The following CD96 variants were observed in gnomAD, a reference collection of about 807,000 sequenced individuals.
CD96 encodes CD96 molecule.
Under a neutral mutation model 71.3 loss-of-function variants are expected in CD96, and 70 were observed. The ratio of observed to expected loss-of-function variants is 0.98; its 90% CI spans 0.81 to 1.20. The LOEUF (loss-of-function observed/expected upper bound fraction) is 1.20. CD96 is among the 50% of genes most tolerant of loss of function. CD96 has a pLI of 0.00. For missense variants in CD96, 742 were observed against 677.5 expected (o/e 1.10, Z -1.06); for synonymous variants, 248 against 233.0 (o/e 1.06, Z -0.59).
At chr3:111,544,588 A>G (rs1934286582) in intron 1 of CD96, among the ~76,000 whole-genome samples, 1 of 152,226 alleles carries the variant, frequency 6.6e-6, no homozygotes, top group Non-Finnish European at 1.5e-5. Context: ...TGTATTTTTC[A>G]AAGAAATTGC....
Position 111,623,797 on chromosome 3 carries a change from C to T in CD96, c.1224C>T (p.Ala408=). The stretch of plus-strand genomic sequence containing the variant: ...CAGTGACCCTTGTAGATGTGAGTGC[C>T]TTGAGGCCAAACACCACTCCTCAAC... ...TSSVTLVDVS[A]LRPNTTPQPS... Residue 408 remains alanine, a synonymous_variant, in exon 9 of 14, where the codon GCC becomes GCT. Coordinates refer to ENST00000352690, the MANE Select transcript of CD96 (RefSeq NM_005816.5). The T allele has an allele frequency of 6.2e-7, 1 of 1,612,274 alleles. No homozygotes were observed. Among genetic ancestry groups the T allele is most frequent in the Non-Finnish European group, 8.5e-7 (1 of 1,178,350 alleles).
Position 111,545,192 on chromosome 3 carries a change from G to C in CD96, c.208G>C (p.Val70Leu). 2 of 1,614,184 alleles carry C rather than the reference G, an allele frequency of 1.2e-6. No individual in the cohort carries two copies. Among genetic ancestry groups the C allele is most frequent in the Non-Finnish European group, 8.5e-7 (1 of 1,180,022 alleles). ...KVTNKIDLIA[V>L]YHPQYGFYCA... ...CACCAATAAGATAGACCTGATTGCT[G>C]TCTATCATCCCCAATACGGCTTCTA... The change falls in exon 2 of 14, where the codon GTC (valine) becomes CTC (leucine). Residue 70 changes from valine to leucine, a missense_variant. Transcript: ENST00000352690.
At chr3:111,639,269 G>A (rs1184556974) in intron 12 of CD96, among the ~76,000 whole-genome samples, 1 of 152,244 alleles carries the variant, frequency 6.6e-6, no homozygotes, top group Non-Finnish European at 1.5e-5. Flanking sequence ...AGACAGACTC[G>A]GGGCTGTTGG....
intron 5 of CD96, chr3:111,594,557 C>A (rs1937164824): frequency 1.4e-5 from 3 of 221,880 alleles, no homozygotes; most frequent in Non-Finnish European, 2.9e-5. Context: ...TCAGTGTTTT[C>A]TGCATCAACC....
chr3:111,582,163 T>C (rs1172559326), intron 4 of CD96, among the ~76,000 whole-genome samples: 1 of 152,226 alleles, frequency 6.6e-6, no homozygotes, highest in African/African-American at 2.4e-5. Flanking sequence ...TAAATCATTA[T>C]GCAAAGAGTC....
At chr3:111,619,506 C>T (rs1938412307) in intron 8 of CD96, among the ~76,000 whole-genome samples, 1 of 152,204 alleles carries the variant, frequency 6.6e-6, no homozygotes, top group Non-Finnish European at 1.5e-5. Context: ...AAGGAATAAA[C>T]AATCAGCAAA....
chr3:111,600,178 A>T (rs968966736), intron 6 of CD96, among the ~76,000 whole-genome samples: 3 of 152,220 alleles, frequency 2.0e-5, no homozygotes, highest in Non-Finnish European at 4.4e-5. Context: ...GTCAGATATG[A>T]GCTCCTTCGT....
rs1275924060 is a variant in CD96 at position 111,542,371 on chromosome 3, GTT to G, written c.61+63_61+64del. ...CGCTTTAGGGGCGGATGGGGCCTCT[GTT>G]CATTTAAAATGCCTTGTGACTGCTG... is the stretch of plus-strand genomic sequence containing the variant. On this transcript the variant is annotated intron_variant, in intron 1 of 13. Transcript: ENST00000352690. 3 of 918,270 alleles carry G rather than the reference GTT, an allele frequency of 3.3e-6. No homozygotes were observed. In the African/African-American group the frequency reaches 5.0e-5, roughly 15 times the overall value. 56.9% of individuals were successfully genotyped at this position (918,270 alleles called of 1,614,324 possible).
In CD96 at chr3:111,623,952, G is replaced by A. The variant is rs112650850; in HGVS notation, c.1249+130G>A. 611 of 736,176 alleles carry A rather than the reference G, an allele frequency of 8.3e-4. 8 individuals carry two copies. The East Asian group carries it at 0.014, about 17-fold the overall frequency. The allele number at this position is 736,176 out of a possible 1,614,324, so 45.6% of individuals were successfully genotyped here. ...TCATTTGATGTTTGTTAATATCTTGGTTTTGGGTTACTCTGCGGTGACTAT... is the reference window on the plus strand; with the variant it reads ...TCATTTGATGTTTGTTAATATCTTGATTTTGGGTTACTCTGCGGTGACTAT... On this transcript the variant is annotated intron_variant, in intron 9 of 13. Transcript: ENST00000352690.
Position 111,611,099 on chromosome 3 carries a change from G to T in CD96, c.1180+4307G>T, listed in dbSNP as rs376214863. Among the ~76,000 whole-genome samples, 21 of 152,244 alleles carry T rather than the reference G, an allele frequency of 1.4e-4. No individual in the cohort carries two copies. In the East Asian group the frequency reaches 3.5e-3, roughly 25 times the overall value. The stretch of plus-strand genomic sequence containing the variant: ...GGCTCTGCCTCCTATTGTTATGTCT[G>T]CACATGACCCTTAGACCTGATGATG... On this transcript the variant is annotated intron_variant, in intron 8 of 13. Coordinates refer to ENST00000352690, the MANE Select transcript of CD96 (RefSeq NM_005816.5).
chr3:111,630,674 C>A (rs556893112), intron 10 of CD96, among the ~76,000 whole-genome samples: 1 of 152,272 alleles, frequency 6.6e-6, no homozygotes, highest in East Asian at 1.9e-4. Context: ...CAGCATCATC[C>A]TGATACCAAA....
intron 8 of CD96, among the ~76,000 whole-genome samples, chr3:111,613,425 T>C (rs1469063611): frequency 6.6e-6 from 1 of 152,238 alleles, no homozygotes; most frequent in Non-Finnish European, 1.5e-5. Context: ...AAAAATTTTA[T>C]GCAGGGTTTA....
rs1938645194 is a variant in CD96, at chr3:111,624,354, C to G, written c.1271C>G (p.Thr424Ser). Residue 424 changes from threonine (T) to serine (S), a missense_variant, in exon 10 of 14, where the codon ACC becomes AGC. Thr to Ser is a moderately conservative substitution (Grantham distance 58). Transcript: ENST00000352690. ...TCAGCCAGCAATTCCAGTATGACTACCCGAGGCTTCAACTATCCCTGGACC... is the reference window on the plus strand; with the variant it reads ...TCAGCCAGCAATTCCAGTATGACTAGCCGAGGCTTCAACTATCCCTGGACC... ...TPQPSNSSMT[T>S]RGFNYPWTSS... 10 of 1,611,548 alleles carry G rather than the reference C, an allele frequency of 6.2e-6. No homozygotes were observed. The East Asian group carries it at 2.0e-4, about 32-fold the overall frequency.
At chr3:111,593,798 A>T (rs774748507) in intron 5 of CD96, 2 of 1,614,042 alleles carry the variant, frequency 1.2e-6, no homozygotes, top group South Asian at 2.2e-5. Context: ...GTTACCCTCA[A>T]TGCCTGTGGG....
intron 8 of CD96, among the ~76,000 whole-genome samples, chr3:111,608,723 CAGAGT>C (rs1447577035): frequency 3.9e-5 from 6 of 152,126 alleles, no homozygotes; most frequent in African/African-American, 7.2e-5. Context: ...CCTCCTAGCA[CAGAGT>C]AGAGAGTCAA....
intron 7 of CD96, among the ~76,000 whole-genome samples, chr3:111,605,804 A>G (rs1477545264): frequency 6.6e-6 from 1 of 152,256 alleles, no homozygotes; most frequent in Admixed American, 6.5e-5. Context: ...TTGTCCCTTA[A>G]AGTACATTAC....
chr3:111,653,844 T>G (rs1433189230), downstream of CD96, among the ~76,000 whole-genome samples: 1 of 151,832 alleles, frequency 6.6e-6, no homozygotes, highest in African/African-American at 2.4e-5. Context: ...TAGTATATGC[T>G]AAAAATTGTA....
intron 2 of CD96, among the ~76,000 whole-genome samples, chr3:111,554,087 C>T (rs1452708943): frequency 6.6e-6 from 1 of 151,976 alleles, no homozygotes; most frequent in Non-Finnish European, 1.5e-5. Context: ...CTGATACTTG[C>T]ATGCTTTCTT....
At chr3:111,601,468 A>G (rs1018998929) in intron 7 of CD96, among the ~76,000 whole-genome samples, 2 of 152,202 alleles carry the variant, frequency 1.3e-5, no homozygotes, top group Non-Finnish European at 2.9e-5. Flanking sequence ...GATATATAGG[A>G]TTACTCTAGT....
Sources: allele counts gnomAD v4.1 joint callset (sites outside exome capture counted in the v4.1 genomes callset), GRCh38; gene constraint gnomAD v4.1.1; transcripts MANE v1.5; gene names NCBI Gene and HGNC (gene_info 2026-07-23, HGNC 2026-07-21).